The following AP3B1 variants were observed in gnomAD, a reference collection of about 807,000 sequenced individuals.
AP3B1 encodes AP-3 complex subunit beta-1.
AP3B1 carries 61 observed loss-of-function variants against 132.5 expected under a neutral mutation model. The ratio of observed to expected loss-of-function variants is 0.46; its 90% CI spans 0.37 to 0.57. The LOEUF (loss-of-function observed/expected upper bound fraction) is 0.57. Among genes scored for constraint, AP3B1 ranks in the 20% least tolerant of loss-of-function variants. The pLI, the probability that AP3B1 is intolerant of heterozygous loss-of-function variation, is 0.00. For synonymous variants in AP3B1, 388 were observed against 438.3 expected (o/e 0.89, Z 1.43); for missense variants, 1,120 against 1,289.4 (o/e 0.87, Z 2.01).
chr5:78,049,052 A>T (rs1748465978), intron 22 of AP3B1, among the ~76,000 whole-genome samples: 2 of 152,244 alleles, frequency 1.3e-5, no homozygotes, highest in African/African-American at 4.8e-5. Flanking sequence ...TATCAATTTC[A>T]TGTGACTCAA....
chr5:78,084,550 A>G (rs1381811450), intron 22 of AP3B1, among the ~76,000 whole-genome samples: 2 of 150,094 alleles, frequency 1.3e-5, no homozygotes, highest in African/African-American at 4.9e-5. Flanking sequence ...AAAAAAAGAA[A>G]AGAAGAGAAA....
intron 14 of AP3B1, among the ~76,000 whole-genome samples, chr5:78,152,960 G>A (rs911103398): frequency 1.3e-5 from 2 of 152,030 alleles, no homozygotes; most frequent in Non-Finnish European, 2.9e-5. Flanking sequence ...CCTAACATAT[G>A]CTCTATCCTT....
At chr5:78,043,704 G>GTGC (rs1748197199) in intron 22 of AP3B1, 1 of 429,096 alleles carries the variant, frequency 2.3e-6, no homozygotes, top group Admixed American at 2.7e-5. Flanking sequence ...CATCATTGTT[G>GTGC]TGCTTTGTGA....
At chr5:78,046,123 G>C (rs947441752) in intron 22 of AP3B1, among the ~76,000 whole-genome samples, 1 of 152,146 alleles carries the variant, frequency 6.6e-6, no homozygotes, top group Non-Finnish European at 1.5e-5. Flanking sequence ...CTTGTTGTTG[G>C]AAACAATTCT....
At chr5:78,187,027 C>T (rs953798070) in intron 7 of AP3B1, among the ~76,000 whole-genome samples, 1 of 152,090 alleles carries the variant, frequency 6.6e-6, no homozygotes, top group Non-Finnish European at 1.5e-5. Flanking sequence ...TCTACTAATA[C>T]TCATCTTCAA....
At position 78,113,751 on chromosome 5, in the gene AP3B1, C is replaced by A; in HGVS notation, c.2249+1G>T. On this transcript the variant is annotated splice_donor_variant, in intron 19 of 26. Transcript: ENST00000255194. LOFTEE classifies it high-confidence loss of function. ...AAGGAAATTCTGACAAAATAAGTTA[C>A]CTTTTTCCTTTGGCTTTTGAGTTCC... is the stretch of plus-strand genomic sequence containing the variant. 1 of 1,613,672 alleles carries A rather than the reference C, an allele frequency of 6.2e-7. No individual in the cohort carries two copies. The highest frequency in any genetic ancestry group is 8.5e-7 in the Non-Finnish European group (1 of 1,179,982).
intron 19 of AP3B1, among the ~76,000 whole-genome samples, chr5:78,111,281 C>T (rs1057061256): frequency 1.3e-4 from 20 of 151,944 alleles, no homozygotes; most frequent in Non-Finnish European, 2.2e-4. Flanking sequence ...ATGATCATAC[C>T]TAAGTGCTTA....
At chr5:78,259,303 G>T (rs1203686719) in intron 2 of AP3B1, among the ~76,000 whole-genome samples, 1 of 151,908 alleles carries the variant, frequency 6.6e-6, no homozygotes, top group East Asian at 1.9e-4. Flanking sequence ...ACTTACTTGT[G>T]GGGTCTAAAA....
chr5:78,028,843 A>C (rs1747449423), intron 24 of AP3B1, among the ~76,000 whole-genome samples: 1 of 152,192 alleles, frequency 6.6e-6, no homozygotes, highest in Non-Finnish European at 1.5e-5. Context: ...ATATTTTTCT[A>C]GGAAATAATT....
intron 11 of AP3B1, among the ~76,000 whole-genome samples, chr5:78,166,382 T>C (rs1207134667): frequency 6.6e-6 from 1 of 152,170 alleles, no homozygotes; most frequent in African/African-American, 2.4e-5. Flanking sequence ...GTTTGGCTTT[T>C]TGTCTTTTAG....
chr5:78,000,855 A>C (rs1746185648), downstream of AP3B1: 1 of 152,188 alleles, frequency 6.6e-6, no homozygotes, highest in African/African-American at 2.4e-5. Context: ...CCACAAAAGA[A>C]AAAAAACCAA....
intron 22 of AP3B1, among the ~76,000 whole-genome samples, chr5:78,067,482 C>T (rs1749342389): frequency 6.6e-6 from 1 of 152,216 alleles, no homozygotes; most frequent in Admixed American, 6.5e-5. Flanking sequence ...TTCTCAGTGC[C>T]ACATGGCACT....
intron 22 of AP3B1, chr5:78,044,095 A>G: frequency 3.0e-6 from 1 of 329,514 alleles, no homozygotes; most frequent in Non-Finnish European, 5.9e-6. Flanking sequence ...CCTGAAAGGC[A>G]AGTTTCCAGC....
chr5:78,291,358 G>A (rs555988159), intron 1 of AP3B1, among the ~76,000 whole-genome samples: 1 of 143,956 alleles, frequency 6.9e-6, no homozygotes, highest in East Asian at 2.1e-4. Context: ...AAATGTAGAA[G>A]TGGTCCATTT....
At chr5:78,200,102 T>C (rs528676626) in intron 7 of AP3B1, among the ~76,000 whole-genome samples, 23 of 152,128 alleles carry the variant, frequency 1.5e-4, no homozygotes, top group Admixed American at 2.6e-4. Context: ...ATGCTTACTA[T>C]AGAACCCTAC....
At chr5:78,157,836 A>G (rs987623568) in intron 13 of AP3B1, among the ~76,000 whole-genome samples, 6 of 151,442 alleles carry the variant, frequency 4.0e-5, no homozygotes, top group Non-Finnish European at 5.9e-5. Context: ...TGCAACTTCC[A>G]CCTCCCAGAT....
At chr5:78,257,189 A>C (rs1412351873) in intron 2 of AP3B1, among the ~76,000 whole-genome samples, 4 of 152,182 alleles carry the variant, frequency 2.6e-5, no homozygotes, top group East Asian at 3.8e-4. Context: ...GACAAGAGAA[A>C]GACATAAAGG....
intron 2 of AP3B1, among the ~76,000 whole-genome samples, chr5:78,241,645 G>T (rs1028796610): frequency 6.6e-6 from 1 of 151,886 alleles, no homozygotes; most frequent in Non-Finnish European, 1.5e-5. Flanking sequence ...AAAGTTCTGC[G>T]CACCACCATC....
chr5:78,247,572 T>C (rs1397704638), intron 2 of AP3B1, among the ~76,000 whole-genome samples: 3 of 152,022 alleles, frequency 2.0e-5, no homozygotes, highest in Non-Finnish European at 2.9e-5. Context: ...TTATGTCTTT[T>C]TGGGAAAATG....
Sources: gnomAD v4.1 joint callset for allele counts (sites outside exome capture counted in the v4.1 genomes callset) on GRCh38, gnomAD v4.1.1 for gene constraint, MANE v1.5 for transcripts, NCBI Gene and HGNC (gene_info 2026-07-23, HGNC 2026-07-21) for gene names.